Variants in ZNF385B observed in about 807,000 individuals in gnomAD.
ZNF385B encodes zinc finger protein 533.
A neutral mutation model predicts 39.2 loss-of-function variants in ZNF385B; 23 were observed. That is an observed-to-expected ratio of 0.59 (90% CI 0.42 to 0.83). ZNF385B has a LOEUF of 0.83. Ranked by LOEUF, ZNF385B falls within the 40% of genes least tolerant of loss-of-function variation. The pLI, the probability that ZNF385B is intolerant of heterozygous loss-of-function variation, is 0.00. For synonymous variants in ZNF385B, 205 were observed against 222.6 expected, an observed-to-expected ratio of 0.92 and a Z score of 0.70; for missense variants, 552 against 598.9, an observed-to-expected ratio of 0.92 and a Z score of 0.82.
At chr2:179,723,870 C>T (rs780138022) in intron 3 of ZNF385B, among the ~76,000 whole-genome samples, 6 of 152,064 alleles carry the variant, frequency 3.9e-5, no homozygotes, top group Non-Finnish European at 5.9e-5. Context: ...AGTTTCTTTG[C>T]TTGGTTATCA....
chr2:179,604,068 A>G (rs1329386999), intron 3 of ZNF385B, among the ~76,000 whole-genome samples: 4 of 152,148 alleles, frequency 2.6e-5, no homozygotes, highest in Non-Finnish European at 5.9e-5. Flanking sequence ...TACTGCAGAT[A>G]ATTTATTGGA....
chr2:179,575,284 A>G (rs1268144988), intron 3 of ZNF385B, among the ~76,000 whole-genome samples: 2 of 152,002 alleles, frequency 1.3e-5, no homozygotes, highest in Non-Finnish European at 2.9e-5. Flanking sequence ...AGAAGAAGAG[A>G]GTCAGTGCCA....
rs1226841752 is a variant in ZNF385B, at chr2:179,473,887, A to G, written c.715+9385T>C. 4.6e-5 allele frequency among the ~76,000 whole-genome samples: 7 copies of G among 152,294 alleles called. No homozygotes were observed. In the South Asian group the frequency reaches 6.2e-4, roughly 14 times the overall value. On this transcript the variant is annotated intron_variant, in intron 6 of 9. Coordinates refer to ENST00000410066, the MANE Select transcript of ZNF385B (RefSeq NM_152520.6). The stretch of plus-strand genomic sequence containing the variant: ...CTTTTTTATGGCTGCATAGTATTCC[A>G]TGGTGTATATGTGGCACCCCCACTT...
chr2:179,523,920 C>G lies in ZNF385B; in HGVS notation c.442-5282G>C, dbSNP rs577452563. Among the ~76,000 whole-genome samples the G allele has an allele frequency of 4.6e-5, 7 of 152,234 alleles. No homozygotes were observed. In the East Asian group the frequency reaches 9.7e-4, roughly 21 times the overall value. On this transcript the variant is annotated intron_variant, in intron 4 of 9. Transcript: ENST00000410066. ...ACTTCAGCCTCCCAAGTAGCTAGGA[C>G]TACAGGCATGTGCCACTGTGCCCAG...
intron 3 of ZNF385B, among the ~76,000 whole-genome samples, chr2:179,765,910 C>G (rs908549008): frequency 6.6e-6 from 1 of 151,982 alleles, no homozygotes; most frequent in Non-Finnish European, 1.5e-5. Context: ...TTTTGCTTCC[C>G]CTTTGAGTCT....
intron 3 of ZNF385B, among the ~76,000 whole-genome samples, chr2:179,689,895 C>T (rs1228535580): frequency 6.6e-6 from 1 of 151,568 alleles, no homozygotes; most frequent in African/African-American, 2.4e-5. Context: ...GTATCCTTTC[C>T]TGGAAGACAG....
At chr2:179,721,859 A>G (rs75749630) in intron 3 of ZNF385B, among the ~76,000 whole-genome samples, 18,029 of 152,096 alleles carry the variant, frequency 0.12, 1,274 homozygotes, top group Non-Finnish European at 0.16. Flanking sequence ...TGGCCAGTGG[A>G]ATAAGACAAA....
intron 5 of ZNF385B, among the ~76,000 whole-genome samples, chr2:179,497,832 C>A (rs1351014798): frequency 6.6e-6 from 1 of 152,054 alleles, no homozygotes; most frequent in Non-Finnish European, 1.5e-5. Flanking sequence ...ACACACTTCA[C>A]CTGTAAAGAC....
At chr2:179,636,638 T>A (rs3112944) in intron 3 of ZNF385B, among the ~76,000 whole-genome samples, 1 of 151,956 alleles carries the variant, frequency 6.6e-6, no homozygotes, top group Non-Finnish European at 1.5e-5. Context: ...GCCCCTGAAG[T>A]TTAAGCTTCA....
At chr2:179,826,513 T>C (rs916374343) in intron 1 of ZNF385B, among the ~76,000 whole-genome samples, 1 of 152,166 alleles carries the variant, frequency 6.6e-6, no homozygotes, top group African/African-American at 2.4e-5. Context: ...AGAGGGCTAT[T>C]GATAGCCCTG....
chr2:179,696,326 CTT>C (rs71029828), intron 3 of ZNF385B, among the ~76,000 whole-genome samples: 4 of 40,356 alleles, frequency 9.9e-5, no homozygotes, highest in African/African-American at 2.1e-4. Flanking sequence ...CAAACTGGGA[CTT>C]TTTTTTTTTT....
intron 1 of ZNF385B, among the ~76,000 whole-genome samples, chr2:179,791,556 G>C (rs1312736488): frequency 6.6e-6 from 1 of 152,126 alleles, no homozygotes; most frequent in Non-Finnish European, 1.5e-5. Context: ...CCAAGGCCAG[G>C]CTAGTGAGGC....
intron 3 of ZNF385B, among the ~76,000 whole-genome samples, chr2:179,734,674 A>T (rs1701624681): frequency 6.6e-6 from 1 of 152,242 alleles, no homozygotes; most frequent in Non-Finnish European, 1.5e-5. Flanking sequence ...TTAAAGACTC[A>T]AGACATAGAC....
chr2:179,629,271 C>G (rs2222030), intron 3 of ZNF385B, among the ~76,000 whole-genome samples: 40,453 of 152,086 alleles, frequency 0.27, 5,684 homozygotes, highest in East Asian at 0.54. Flanking sequence ...CAGATGACAC[C>G]TACAGAGTAC....
chr2:179,651,067 T>TC (rs1693153699), intron 3 of ZNF385B, among the ~76,000 whole-genome samples: 2 of 152,158 alleles, frequency 1.3e-5, no homozygotes, highest in Admixed American at 1.3e-4. Flanking sequence ...CTGCATAATG[T>TC]AAGAGACAGA....
chr2:179,669,929 G>GTGGTGGTACATGTTGAGCAACC (rs1375002596), intron 3 of ZNF385B, among the ~76,000 whole-genome samples: 1 of 152,134 alleles, frequency 6.6e-6, no homozygotes, highest in African/African-American at 2.4e-5. Context: ...TGGTGGTGGT[G>GTGGTGGTACATGTTGAGCAACC]TGGTGGTACA....
intron 3 of ZNF385B, among the ~76,000 whole-genome samples, chr2:179,564,659 C>G (rs1684347082): frequency 6.6e-6 from 1 of 152,140 alleles, no homozygotes. Flanking sequence ...ATTTCTCCAG[C>G]AAAATAAAAC....
chr2:179,515,168 T>A (rs2058002262), intron 5 of ZNF385B, among the ~76,000 whole-genome samples: 1 of 152,214 alleles, frequency 6.6e-6, no homozygotes, highest in South Asian at 2.1e-4. Context: ...AAACCCCTAT[T>A]ATTCAGTCAG....
In ZNF385B at chr2:179,861,414, G is replaced by C. The variant is rs1277082588; in HGVS notation, c.-468C>G. Reference sequence around the variant, plus strand: ...GGCCTCGCCCAGGTGAGGGGCGTGTGCCCGGAGCCCGCTGGGCGCGCCCGG... The same window carrying C: ...GGCCTCGCCCAGGTGAGGGGCGTGTCCCCGGAGCCCGCTGGGCGCGCCCGG... On this transcript the variant is annotated 5_prime_UTR_variant, in exon 1 of 10. Coordinates refer to ENST00000410066, the MANE Select transcript of ZNF385B (RefSeq NM_152520.6). 2.0e-5 allele frequency: 3 copies of C among 150,386 alleles called. No homozygotes were observed. Among genetic ancestry groups the C allele is most frequent in the Non-Finnish European group, 3.0e-5 (2 of 67,412 alleles). The allele number at this position is 150,386 out of a possible 1,614,324, so 9.3% of individuals were successfully genotyped here. A position where few individuals can be genotyped will look rare whatever the true frequency, so the allele number is the denominator to read the frequency against.
Sources: allele counts gnomAD v4.1 joint callset (sites outside exome capture counted in the v4.1 genomes callset), GRCh38; gene constraint gnomAD v4.1.1; transcripts MANE v1.5; gene names NCBI Gene and HGNC (gene_info 2026-07-23, HGNC 2026-07-21).